AP3B2: variants seen among roughly 807,000 people sequenced by gnomAD.
The protein encoded by AP3B2 is adaptor related protein complex 3 subunit beta 2.
In AP3B2, 50 loss-of-function variants were observed where a neutral mutation model predicts 126.9. The ratio of observed to expected loss-of-function variants is 0.39; its 90% CI spans 0.31 to 0.50. The LOEUF is 0.50. AP3B2 is among the 20% of genes least tolerant of loss of function. The pLI, the probability that AP3B2 is intolerant of heterozygous loss-of-function variation, is 0.79. For missense variants in AP3B2, 1,177 were observed against 1,426.4 expected, an observed-to-expected ratio of 0.83 and a Z score of 2.82; for synonymous variants, 541 against 565.0, an observed-to-expected ratio of 0.96 and a Z score of 0.60.
intron 1 of AP3B2, among the ~76,000 whole-genome samples, chr15:82,693,465 T>C (rs2048580881): frequency 6.6e-6 from 1 of 151,816 alleles, no homozygotes; most frequent in Non-Finnish European, 1.5e-5. Flanking sequence ...CAGGCTGGTC[T>C]CAAACTCCTG....
chr15:82,680,597 T>A lies in AP3B2; in HGVS notation c.930A>T (p.Lys310Asn). The change falls in exon 8 of 27, where the codon AAA (lysine) becomes AAT (asparagine). Residue 310 changes from lysine to asparagine, a missense_variant. This residue lies in a region of AP3B2 where 308 missense variants were observed against 452.4 expected (regional missense o/e 0.68). Transcript: ENST00000535359. The surrounding 1 kb of genome is among the most constrained non-coding windows in gnomAD (Gnocchi z 6.1). The part of the protein sequence containing the change: ...PDHRLLLRNT[K>N]PLLQSRSAAV... ...CGGCGCTGCGGCTCTGCAGCAGGGG[T>A]TTGGTGTTGCGCAGCAGCAGCCGGT... 6.3e-7 allele frequency: 1 copy of A among 1,593,972 alleles called. No homozygotes were observed. The highest frequency in any genetic ancestry group is 8.5e-7 in the Non-Finnish European group (1 of 1,176,740).
chr15:82,684,947 G>C (rs920854786), intron 4 of AP3B2: 3 of 152,220 alleles, frequency 2.0e-5, no homozygotes, highest in African/African-American at 7.2e-5. Context: ...TTTAAAGTGA[G>C]AGATGTGTGG....
rs1415108683 is a variant in AP3B2, at chr15:82,677,654, C to G, written c.1378+17G>C. On this transcript the variant is annotated intron_variant, in intron 12 of 26. Coordinates refer to ENST00000535359, the MANE Select transcript of AP3B2 (RefSeq NM_001278512.2). The stretch of plus-strand genomic sequence containing the variant: ...ACCCTCTGATCATCACGGTTAGACA[C>G]TCAGGGAAACACTGACCATCACGGT... 1 of 1,518,180 alleles carries G rather than the reference C, an allele frequency of 6.6e-7. No individual in the cohort carries two copies. The highest frequency in any genetic ancestry group is 2.1e-5 in the Admixed American group (1 of 46,880). 94.0% of individuals were successfully genotyped at this position (1,518,180 alleles called of 1,614,324 possible). A position where few individuals can be genotyped will look rare whatever the true frequency, so the allele number is the denominator to read the frequency against.
chr15:82,693,548 G>A (rs541391744), intron 1 of AP3B2, among the ~76,000 whole-genome samples: 1 of 151,672 alleles, frequency 6.6e-6, no homozygotes, highest in South Asian at 2.1e-4. Context: ...CACCTGGCCA[G>A]CAGCAAATAA....
At chr15:82,687,539 A>G (rs1043111959) in intron 4 of AP3B2, 1 of 152,244 alleles carries the variant, frequency 6.6e-6, no homozygotes, top group Non-Finnish European at 1.5e-5. Context: ...GACGGATTCC[A>G]TGGTTTTGAC....
chr15:82,660,441 G>A (rs912466594), intron 25 of AP3B2, among the ~76,000 whole-genome samples: 1 of 152,212 alleles, frequency 6.6e-6, no homozygotes, highest in Non-Finnish European at 1.5e-5. Context: ...CCAGAATCCA[G>A]TAGTCACATG....
At chr15:82,705,260 A>G (rs983447864) in intron 1 of AP3B2, among the ~76,000 whole-genome samples, 9 of 152,126 alleles carry the variant, frequency 5.9e-5, no homozygotes, top group Non-Finnish European at 1.0e-4. Context: ...CAGGCTTTAA[A>G]AGGATTAAAG....
intron 25 of AP3B2, 127 bp downstream of exon 25, chr15:82,661,698 C>T (rs1020430315): frequency 3.3e-5 from 23 of 701,696 alleles, no homozygotes; most frequent in Middle Eastern, 4.9e-4. Flanking sequence ...ATCTTTGGCC[C>T]GTTACAGAAA....
At chr15:82,691,189 T>A (rs1250357586) in intron 1 of AP3B2, among the ~76,000 whole-genome samples, 1 of 152,214 alleles carries the variant, frequency 6.6e-6, no homozygotes, top group Admixed American at 6.5e-5. Context: ...CGCCACACTG[T>A]CTTCCACAAT....
Position 82,665,427 on chromosome 15 carries a change from A to T in AP3B2, c.1971+30T>A, listed in dbSNP as rs2151429964. ...CACACACACACACACACACACACAC[A>T]CACACACTTCAACCCTCCACCCCGC... On this transcript the variant is annotated intron_variant, in intron 16 of 26. Transcript: ENST00000535359. This position sits in a 1 kb window ranked among gnomAD's most constrained non-coding sequence, Gnocchi z 4.4. 1.6e-6 allele frequency: 2 copies of T among 1,232,476 alleles called. No homozygotes were observed. Among genetic ancestry groups the T allele is most frequent in the Non-Finnish European group, 2.3e-6 (2 of 888,302 alleles). The allele number at this position is 1,232,476 out of a possible 1,614,324, so 76.3% of individuals were successfully genotyped here.
intron 4 of AP3B2, among the ~76,000 whole-genome samples, chr15:82,683,398 A>C (rs574307428): frequency 6.6e-5 from 10 of 152,296 alleles, no homozygotes; most frequent in African/African-American, 2.4e-4. Context: ...CACTCATAAG[A>C]AGCAAGTCCT....
chr15:82,667,339 C>T (rs1289606082), intron 14 of AP3B2, among the ~76,000 whole-genome samples: 4 of 152,204 alleles, frequency 2.6e-5, no homozygotes, highest in Non-Finnish European at 4.4e-5. Context: ...GGCTCCACCA[C>T]CCAGGGGGAA....
chr15:82,660,064 G>A lies in AP3B2; in HGVS notation c.3017-81C>T, dbSNP rs978701747. 24 of 1,514,828 alleles carry A rather than the reference G, an allele frequency of 1.6e-5. No individual in the cohort carries two copies. The African/African-American group carries it at 2.6e-4, about 17-fold the overall frequency. 93.8% of individuals were successfully genotyped at this position (1,514,828 alleles called of 1,614,324 possible). A position where few individuals can be genotyped will look rare whatever the true frequency, so the allele number is the denominator to read the frequency against. ...CCTGGGTCTGCTTACTGAGCAACAA[G>A]TTCTCCCAGGCTGGGAAGGTATCAT... is the stretch of plus-strand genomic sequence containing the variant. On this transcript the variant is annotated intron_variant, in intron 25 of 26. Coordinates refer to ENST00000535359, the MANE Select transcript of AP3B2 (RefSeq NM_001278512.2).
intron 1 of AP3B2, among the ~76,000 whole-genome samples, chr15:82,700,564 A>T (rs767657308): frequency 3.3e-4 from 49 of 150,550 alleles, no homozygotes; most frequent in Non-Finnish European, 6.5e-4. Flanking sequence ...ACACCTGGCT[A>T]ATTTTTGTAT....
chr15:82,665,334 C>A lies in AP3B2; in HGVS notation c.1972-31G>T. 2 of 1,584,656 alleles carry A rather than the reference C, an allele frequency of 1.3e-6. No individual in the cohort carries two copies. The highest frequency in any genetic ancestry group is 2.2e-5 in the South Asian group (2 of 89,538). ...TGTGTGGGGGAGGGTGTTAGGAGGG[C>A]TGGGCCGGCACTGCCAGGGCTCCCT... On this transcript the variant is annotated intron_variant, in intron 16 of 26. Transcript: ENST00000535359. The surrounding 1 kb of genome is among the most constrained non-coding windows in gnomAD (Gnocchi z 4.4).
Position 82,680,353 on chromosome 15 carries a change from C to G in AP3B2, c.1055+119G>C, listed in dbSNP as rs1474454381. 6.7e-7 allele frequency: 1 copy of G among 1,497,740 alleles called. No individual in the cohort carries two copies. The highest frequency in any genetic ancestry group is 1.4e-5 in the African/African-American group (1 of 72,550). 92.8% of individuals were successfully genotyped at this position (1,497,740 alleles called of 1,614,324 possible). On this transcript the variant is annotated intron_variant, in intron 8 of 26. Coordinates refer to ENST00000535359, the MANE Select transcript of AP3B2 (RefSeq NM_001278512.2). The surrounding 1 kb of genome is among the most constrained non-coding windows in gnomAD (Gnocchi z 6.1). The stretch of plus-strand genomic sequence containing the variant: ...CCAGTGCGGAGGGCAGGACTACGGT[C>G]AGTGTGGAGCGGGTGGGCAGAGGTG...
intron 1 of AP3B2, chr15:82,699,811 G>A: frequency 2.5e-6 from 1 of 399,402 alleles, no homozygotes; most frequent in East Asian, 3.6e-5. Context: ...CTCTTGATCA[G>A]CTCCGCAGGC....
intron 14 of AP3B2, 148 bp from the exon 15 acceptor site, chr15:82,667,081 C>T (rs906634481): frequency 1.0e-5 from 8 of 772,228 alleles, no homozygotes; most frequent in Middle Eastern, 3.8e-4. Flanking sequence ...CCCTCCCCAC[C>T]TGCCCTTGTT....
chr15:82,660,924 C>T (rs1416470657), intron 25 of AP3B2, among the ~76,000 whole-genome samples: 2 of 152,182 alleles, frequency 1.3e-5, no homozygotes, highest in African/African-American at 2.4e-5. Context: ...CTCCCTCAAC[C>T]CACTGCAGTT....
Sources: allele counts gnomAD v4.1 joint callset (sites outside exome capture counted in the v4.1 genomes callset), GRCh38; gene constraint gnomAD v4.1.1; regional missense constraint gnomAD v4.1.1; non-coding constraint Gnocchi (gnomAD v3.1); transcripts MANE v1.5; gene names NCBI Gene and HGNC (gene_info 2026-07-23, HGNC 2026-07-21).